ACSM3: variants seen among roughly 807,000 people sequenced by gnomAD.
ACSM3 encodes the protein acyl-CoA synthetase medium chain family member 3.
Under a neutral mutation model 74.1 loss-of-function variants are expected in ACSM3, and 61 were observed. The ratio of observed to expected loss-of-function variants is 0.82; its 90% CI spans 0.67 to 1.02. The LOEUF (loss-of-function observed/expected upper bound fraction) is 1.02, where lower values mean the gene tolerates loss of function less well. ACSM3 is among the 50% of genes least tolerant of loss of function. ACSM3 has a pLI of 0.00. For synonymous variants in ACSM3, 213 were observed against 241.5 expected (o/e 0.88, Z 1.09); for missense variants, 660 against 697.0 (o/e 0.95, Z 0.60).
intron 1 of ACSM3, among the ~76,000 whole-genome samples, chr16:20,678,071 C>T (rs905983598): frequency 6.3e-5 from 9 of 142,412 alleles, no homozygotes; most frequent in African/African-American, 2.5e-4. Flanking sequence ...CAGGACAACC[C>T]CACCTTCTAA....
intron 1 of ACSM3, among the ~76,000 whole-genome samples, chr16:20,707,355 T>C (rs1472470336): frequency 2.0e-5 from 3 of 152,054 alleles, no homozygotes; most frequent in African/African-American, 7.2e-5. Flanking sequence ...TGCAACTTGG[T>C]TTCCGCCCCT....
At chr16:20,721,504 G>A (rs1567324103) in intron 1 of ACSM3, 2 of 152,118 alleles carry the variant, frequency 1.3e-5, no homozygotes, top group Non-Finnish European at 2.9e-5. Context: ...AGTGGAAGAG[G>A]ATGAGTAGAA....
At chr16:20,747,338 AAG>A (rs1379489431) in intron 1 of ACSM3, among the ~76,000 whole-genome samples, 3 of 152,188 alleles carry the variant, frequency 2.0e-5, no homozygotes, top group African/African-American at 7.2e-5. Flanking sequence ...ACAGCATGGC[AAG>A]GTCACAAGAT....
Position 20,756,830 on chromosome 16 carries a change from T to C in ACSM3, c.-52+1214T>C, listed in dbSNP as rs948798930. ...TTTTGTATAATGTGTAAGGAAGGGA[T>C]CCAGTTTCAGCTTTCTACATATGGC... On this transcript the variant is annotated intron_variant, in intron 3 of 3. Transcript: ENST00000561584. Among the ~76,000 whole-genome samples, 7 of 152,346 alleles carry C rather than the reference T, an allele frequency of 4.6e-5. No individual in the cohort carries two copies. In the South Asian group the frequency reaches 1.2e-3, roughly 27 times the overall value.
chr16:20,772,563 T>G (rs2080205596), intron 2 of ACSM3, among the ~76,000 whole-genome samples: 1 of 152,178 alleles, frequency 6.6e-6, no homozygotes, highest in Admixed American at 6.5e-5. Flanking sequence ...GCTCTAGTCT[T>G]AGTCTACCAC....
intron 1 of ACSM3, among the ~76,000 whole-genome samples, chr16:20,704,386 C>CT (rs1205524634): frequency 2.0e-5 from 3 of 152,198 alleles, no homozygotes; most frequent in African/African-American, 7.2e-5. Context: ...AGCACTTCAA[C>CT]TTAGATGCAC....
At chr16:20,694,721 T>C (rs1317640722) in intron 1 of ACSM3, among the ~76,000 whole-genome samples, 3 of 152,178 alleles carry the variant, frequency 2.0e-5, no homozygotes, top group Non-Finnish European at 4.4e-5. Context: ...GTGTCCCCCA[T>C]GAATGTATGT....
Position 20,792,236 on chromosome 16 carries a change from C to T in ACSM3, c.1455C>T (p.Gly485=), listed in dbSNP as rs141598766. 397 of 1,614,100 alleles carry T rather than the reference C, an allele frequency of 2.5e-4. 2 individuals carry two copies. The African/African-American group carries it at 4.8e-3, about 20-fold the overall frequency. ...ARADDVILSS[G]YRIGPFEVEN... is the part of the protein sequence containing the mutation. Reference sequence around the variant, plus strand: ...GTATTCCTGCCATATGTGTTTCTAGCTATCGAATTGGACCATTTGAGGTAG... The same window carrying T: ...GTATTCCTGCCATATGTGTTTCTAGTTATCGAATTGGACCATTTGAGGTAG... The change falls in exon 12 of 14, where the codon GGC becomes GGT. Residue 485 remains glycine, a splice_region_variant and synonymous_variant. Transcript: ENST00000289416.
Position 20,781,066 on chromosome 16 carries a change from G to A in ACSM3, c.875G>A (p.Trp292Ter), listed in dbSNP as rs52817836. ...GCATGGAGTAGTGTTTTTTCTCCGT[G>A]GATCCAGGGAGCATGTGTATTCACA... Reference protein sequence around the residue: ...KSAWSSVFSPWIQGACVFTHH... With the variant: ...KSAWSSVFSP Residue 292 changes from tryptophan to a stop codon, truncating the protein, a stop_gained, in exon 6 of 14, where the codon TGG becomes TAG. Coordinates refer to ENST00000289416, the MANE Select transcript of ACSM3 (RefSeq NM_005622.4). LOFTEE classifies it high-confidence loss of function. 1.8e-3 allele frequency: 2,931 copies of A among 1,614,104 alleles called. 51 individuals are homozygous for A. The African/African-American group carries it at 0.034, about 19-fold the overall frequency.
rs746461943 is a variant in ACSM3 at position 20,770,108 on chromosome 16, T to A, written c.74T>A (p.Val25Glu). ...CFQRLAIFGS[V>E]RALHKDNRTA... The stretch of plus-strand genomic sequence containing the variant: ...CAGCGCCTAGCAATTTTTGGTTCTG[T>A]GAGGGCACTGCATAAAGATAATAGA... The change falls in exon 2 of 14, where the codon GTG becomes GAG. Residue 25 changes from valine (V) to glutamate (E), a missense_variant. Val to Glu is a moderately radical substitution (Grantham distance 121). Transcript: ENST00000289416. 3.7e-6 allele frequency: 6 copies of A among 1,614,168 alleles called. No individual in the cohort carries two copies. The Admixed American group carries it at 1.0e-4, about 27-fold the overall frequency.
intron 1 of ACSM3, among the ~76,000 whole-genome samples, chr16:20,732,141 G>C (rs967366268): frequency 6.6e-6 from 1 of 152,048 alleles, no homozygotes; most frequent in Admixed American, 6.5e-5. Flanking sequence ...TATTCAGAAA[G>C]AATACCCAAA....
intron 1 of ACSM3, chr16:20,738,748 C>T: frequency 1.1e-6 from 1 of 882,620 alleles, no homozygotes; most frequent in Non-Finnish European, 1.7e-6. Flanking sequence ...TACCTCTCCA[C>T]AGGCCAACTG....
At chr16:20,728,166 A>T (rs893719797) in intron 1 of ACSM3, 3 of 315,596 alleles carry the variant, frequency 9.5e-6, no homozygotes, top group African/African-American at 6.7e-5. Context: ...CTCAATGGGA[A>T]TAATTTGTGC....
At chr16:20,747,458 C>T (rs2079962647) in intron 1 of ACSM3, among the ~76,000 whole-genome samples, 2 of 152,204 alleles carry the variant, frequency 1.3e-5, no homozygotes, top group Admixed American at 6.5e-5. Context: ...GGCCAACCCC[C>T]TTTCAAATTC....
chr16:20,683,704 T>TCG, intron 1 of ACSM3, among the ~76,000 whole-genome samples: 1 of 97,160 alleles, frequency 1.0e-5, no homozygotes, highest in Non-Finnish European at 2.2e-5. Context: ...TCTTTCTTTC[T>TCG]CTCTCTCTCT....
At chr16:20,775,062 T>G (rs1001178380) in intron 2 of ACSM3, among the ~76,000 whole-genome samples, 2 of 151,924 alleles carry the variant, frequency 1.3e-5, no homozygotes, top group African/African-American at 4.8e-5. Context: ...GGGTGTAGAG[T>G]GCTGTGTGTA....
intron 3 of ACSM3, among the ~76,000 whole-genome samples, chr16:20,758,851 A>G (rs1476782066): frequency 6.6e-6 from 1 of 152,058 alleles, no homozygotes; most frequent in Non-Finnish European, 1.5e-5. Flanking sequence ...GTTGGTTTCA[A>G]AGAACATCTT....
intron 1 of ACSM3, among the ~76,000 whole-genome samples, chr16:20,745,490 G>A (rs2079953814): frequency 6.6e-6 from 1 of 152,160 alleles, no homozygotes; most frequent in Admixed American, 6.5e-5. Context: ...GGCTAGACAC[G>A]AGAGTTGCTT....
At chr16:20,687,732 A>G (rs2079578428) in intron 1 of ACSM3, among the ~76,000 whole-genome samples, 1 of 152,186 alleles carries the variant, frequency 6.6e-6, no homozygotes, top group Non-Finnish European at 1.5e-5. Context: ...AAAGGAAATT[A>G]GAAAAACTAT....
Sources: gnomAD v4.1 joint callset for allele counts (sites outside exome capture counted in the v4.1 genomes callset) on GRCh38, gnomAD v4.1.1 for gene constraint, MANE v1.5 for transcripts, NCBI Gene and HGNC (gene_info 2026-07-23, HGNC 2026-07-21) for gene names.